Variants in SSC4D observed in about 807,000 individuals in gnomAD.
SSC4D encodes scavenger receptor cysteine-rich domain-containing group B protein.
In SSC4D, 57 loss-of-function variants were observed where a neutral mutation model predicts 63.4. The ratio of observed to expected loss-of-function variants is 0.90; its 90% confidence interval spans 0.73 to 1.12. SSC4D has a LOEUF of 1.12. Among genes scored for constraint, SSC4D ranks in the 50% most tolerant of loss-of-function variants. The probability of loss-of-function intolerance (pLI) is 0.00; values close to 1 mark genes in which losing one functional copy is unlikely to be tolerated. For synonymous variants in SSC4D, 352 were observed against 345.4 expected (o/e 1.02, Z -0.21); for missense variants, 791 against 806.4 (o/e 0.98, Z 0.23).
chr7:76,396,105 C>T (rs919278034), intron 6 of SSC4D, among the ~76,000 whole-genome samples: 27 of 152,228 alleles, frequency 1.8e-4, no homozygotes, highest in African/African-American at 5.8e-4. Flanking sequence ...CTCCTACAGC[C>T]CCTCTTAAAG....
At chr7:76,408,033 G>A (rs539676622) in intron 1 of SSC4D, among the ~76,000 whole-genome samples, 10 of 152,320 alleles carry the variant, frequency 6.6e-5, no homozygotes, top group Admixed American at 2.6e-4. Flanking sequence ...TTGGGGGTCA[G>A]GGAGCTAGGA....
chr7:76,390,223 CT>C lies in SSC4D; in HGVS notation c.1563del (p.Ala522ProfsTer69). 1.2e-6 allele frequency: 2 copies of C among 1,614,102 alleles called. No homozygotes were observed. The highest frequency in any genetic ancestry group is 1.7e-6 in the Non-Finnish European group (2 of 1,179,994). On this transcript the variant is annotated frameshift_variant, in exon 11 of 11. Transcript: ENST00000275560. LOFTEE classifies it high-confidence loss of function. ...CRQLGCGQAL[A>X]APGEAHFGPG... ...GGGCCAAAGTGAGCCTCGCCAGGGG[CT>C]GCGAGGGCCTGGCCACAGCCCAGCT...
At chr7:76,408,299 C>T in intron 1 of SSC4D, among the ~76,000 whole-genome samples, 1 of 152,132 alleles carries the variant, frequency 6.6e-6, no homozygotes, top group Non-Finnish European at 1.5e-5. Context: ...ATTCATGGGG[C>T]CCAGGACAGC....
At position 76,390,193 on chromosome 7, in the gene SSC4D, G is replaced by C. The variant is rs374028378; in HGVS notation, c.1594C>G (p.Arg532Gly). 6.8e-6 allele frequency: 11 copies of C among 1,614,198 alleles called. No individual in the cohort carries two copies. Among genetic ancestry groups the C allele is most frequent in the Non-Finnish European group, 9.3e-6 (11 of 1,180,034 alleles). Residue 532 changes from arginine to glycine, a missense_variant, in exon 11 of 11, where the codon CGA becomes GGA. Arg to Gly is a moderately radical substitution (Grantham distance 125). Transcript: ENST00000275560. ...APGEAHFGPG[R>G]GPILLDNVKC... ...ACATTGTCCAGGAGAATGGGGCCTCGGCCTGGGCCAAAGTGAGCCTCGCCA... is the reference window on the plus strand; with the variant it reads ...ACATTGTCCAGGAGAATGGGGCCTCCGCCTGGGCCAAAGTGAGCCTCGCCA...
chr7:76,397,607 C>G lies in SSC4D; in HGVS notation c.779G>C (p.Gly260Ala). 6.2e-7 allele frequency: 1 copy of G among 1,610,920 alleles called. No homozygotes were observed. The highest frequency in any genetic ancestry group is 8.5e-7 in the Non-Finnish European group (1 of 1,178,994). The change falls in exon 6 of 11, where the codon GGC (glycine) becomes GCC (alanine). Residue 260 changes from glycine (G) to alanine (A), a missense_variant. Coordinates refer to ENST00000275560, the MANE Select transcript of SSC4D (RefSeq NM_080744.2). ...GCAGGCTGCCAGGCGGGGCTCGCCG[C>G]CTTCGCAGTGCACGTTGTCCAGCAG... ...HILLDNVHCE[G>A]GEPRLAACQS... is the part of the protein sequence containing the mutation.
intron 5 of SSC4D, 98 bp downstream of exon 5, chr7:76,398,622 A>G: frequency 4.4e-6 from 6 of 1,358,036 alleles, no homozygotes; most frequent in South Asian, 1.2e-5. Flanking sequence ...CTAACTTTAC[A>G]TCTTCAATTT....
At chr7:76,400,092 T>C (rs552876163) in intron 4 of SSC4D, among the ~76,000 whole-genome samples, 194 bp downstream of exon 4, 82 of 152,320 alleles carry the variant, frequency 5.4e-4, no homozygotes, top group Non-Finnish European at 1.1e-3. Flanking sequence ...TGGTCCAAGG[T>C]CAGGGTCAGG....
intron 10 of SSC4D, 62 bp downstream of exon 10, chr7:76,391,902 C>G (rs1584015121): frequency 6.0e-6 from 9 of 1,506,382 alleles, no homozygotes; most frequent in Non-Finnish European, 7.2e-6. Context: ...GTGACCTCCC[C>G]CAATCCAGGT....
intron 10 of SSC4D, among the ~76,000 whole-genome samples, chr7:76,391,143 A>G (rs963019634): frequency 1.3e-5 from 2 of 151,428 alleles, no homozygotes; most frequent in Non-Finnish European, 2.9e-5. Context: ...TCAAACATAT[A>G]TAAGATGGGG....
rs190681385 is a variant in SSC4D at position 76,400,496 on chromosome 7, C to T, written c.265G>A (p.Val89Met). 9.4e-6 allele frequency: 15 copies of T among 1,600,462 alleles called. 1 individual carries two copies. The highest frequency in any genetic ancestry group is 6.8e-5 in the Admixed American group (4 of 58,544). ...WGSVCDDDWD[V>M]VDANVVCRQL... ...CGACACACTACGTTGGCGTCCACCA[C>T]GTCCCAGTCGTCATCACAGACGCTG... Residue 89 changes from valine to methionine, a missense_variant, in exon 4 of 11, where the codon GTG becomes ATG. Physicochemically the swap from Val to Met is conservative, Grantham distance 21. Transcript: ENST00000275560.
intron 9 of SSC4D, 62 bp from the exon 10 acceptor site, chr7:76,392,103 G>T: frequency 6.6e-7 from 1 of 1,508,342 alleles, no homozygotes; most frequent in Non-Finnish European, 9.0e-7. Context: ...GTTCCTTAGG[G>T]CCAGGTCCCC....
At chr7:76,399,455 A>T (rs143113570) in intron 4 of SSC4D, among the ~76,000 whole-genome samples, 1 of 152,114 alleles carries the variant, frequency 6.6e-6, no homozygotes, top group Non-Finnish European at 1.5e-5. Flanking sequence ...GATTTTCTTG[A>T]AAACTAGAAG....
In SSC4D at chr7:76,404,494, C is replaced by T; in HGVS notation, c.-55G>A. On this transcript the variant is annotated 5_prime_UTR_variant, in exon 2 of 11. It adds an upstream start codon to the 5' untranslated region. Coordinates refer to ENST00000275560, the MANE Select transcript of SSC4D (RefSeq NM_080744.2). ...CCATCAAGGCGCCAGGGAGAAGTCA[C>T]AGTTGGAACATCTGAAATTAAAGAT... 1 of 1,612,724 alleles carries T rather than the reference C, an allele frequency of 6.2e-7. No homozygotes were observed. The highest frequency in any genetic ancestry group is 1.7e-5 in the Admixed American group (1 of 59,956).
At position 76,397,642 on chromosome 7, in the gene SSC4D, G is replaced by C. The variant is rs1209761962; in HGVS notation, c.744C>G (p.Thr248=). The change falls in exon 6 of 11, where the codon ACC becomes ACG. Residue 248 remains threonine, a synonymous_variant. Transcript: ENST00000275560. ...GCACGTTGTCCAGCAGGATGTGTCC[G>C]GTGCCATAGCCGAAGAAGGCGTTGG... The part of the protein sequence containing the change: ...ATTNAFFGYG[T]GHILLDNVHC... The C allele has an allele frequency of 6.2e-7, 1 of 1,613,618 alleles. No individual in the cohort carries two copies. The highest frequency in any genetic ancestry group is 1.3e-5 in the African/African-American group (1 of 74,944).
chr7:76,397,388 G>C (rs191449430), intron 6 of SSC4D, 130 bp downstream of exon 6: 11 of 1,156,052 alleles, frequency 9.5e-6, no homozygotes, highest in Non-Finnish European at 1.3e-5. Context: ...TGCCTGGAGA[G>C]CTCTGGGGAG....
At chr7:76,391,564 C>A (rs1804495057) in intron 10 of SSC4D, among the ~76,000 whole-genome samples, 1 of 152,044 alleles carries the variant, frequency 6.6e-6, no homozygotes, top group Non-Finnish European at 1.5e-5. Context: ...TCTCTCTAGT[C>A]CTCTGTTCAT....
chr7:76,394,145 C>T (rs1292070075), intron 7 of SSC4D, among the ~76,000 whole-genome samples: 2 of 152,178 alleles, frequency 1.3e-5, no homozygotes, highest in African/African-American at 4.8e-5. Context: ...AGTTCCTATC[C>T]TAATTCCAAT....
In SSC4D at chr7:76,400,500, C is replaced by T. The variant is rs1216415233; in HGVS notation, c.261G>A (p.Trp87Ter). ...ACACTACGTTGGCGTCCACCACGTCCCAGTCGTCATCACAGACGCTGCCCC... is the reference window on the plus strand; with the variant it reads ...ACACTACGTTGGCGTCCACCACGTCTCAGTCGTCATCACAGACGCTGCCCC... Reference protein sequence around the residue: ...GSWGSVCDDDWDVVDANVVCR... With the variant: ...GSWGSVCDDD The change falls in exon 4 of 11, where the codon TGG becomes TGA. Residue 87 changes from tryptophan to a stop codon, truncating the protein, a stop_gained. Transcript: ENST00000275560. LOFTEE classifies it high-confidence loss of function. The T allele has an allele frequency of 1.2e-6, 2 of 1,600,568 alleles. No homozygotes were observed. Among genetic ancestry groups the T allele is most frequent in the Non-Finnish European group, 1.7e-6 (2 of 1,173,138 alleles).
intron 2 of SSC4D, among the ~76,000 whole-genome samples, chr7:76,401,623 G>C (rs1166062548): frequency 6.6e-6 from 1 of 152,096 alleles, no homozygotes; most frequent in African/African-American, 2.4e-5. Flanking sequence ...CGCCATGTTG[G>C]CCAGGCTGGT....
Sources: gnomAD v4.1 joint callset for allele counts (sites outside exome capture counted in the v4.1 genomes callset) on GRCh38, gnomAD v4.1.1 for gene constraint, MANE v1.5 for transcripts, NCBI Gene and HGNC (gene_info 2026-07-23, HGNC 2026-07-21) for gene names.